Variants in OPCML observed in about 807,000 individuals in gnomAD.
OPCML encodes opioid-binding protein/cell adhesion molecule.
A neutral mutation model predicts 37.8 loss-of-function variants in OPCML; 13 were observed. The ratio of observed to expected loss-of-function variants is 0.34; its 90% CI spans 0.22 to 0.55. OPCML has a LOEUF of 0.55. OPCML is among the 20% of genes least tolerant of loss of function. The pLI, the probability that OPCML is intolerant of heterozygous loss-of-function variation, is 0.91. For missense variants in OPCML, 341 were observed against 435.6 expected (o/e 0.78, Z 1.93); for synonymous variants, 176 against 168.8 (o/e 1.04, Z -0.33).
intron 1 of OPCML, among the ~76,000 whole-genome samples, chr11:133,009,771 C>T (rs781177236): frequency 1.3e-3 from 204 of 152,200 alleles, no homozygotes; most frequent in South Asian, 2.1e-3. Context: ...CGCCTCTGAT[C>T]TGACAGGAGA....
At chr11:132,720,662 A>T (rs1161113498) in intron 2 of OPCML, among the ~76,000 whole-genome samples, 1 of 152,196 alleles carries the variant, frequency 6.6e-6, no homozygotes, top group Admixed American at 6.5e-5. Context: ...TTATGGAGAG[A>T]TGATTTCTAA....
At chr11:132,754,972 C>T (rs1945986461) in intron 2 of OPCML, among the ~76,000 whole-genome samples, 1 of 152,184 alleles carries the variant, frequency 6.6e-6, no homozygotes, top group African/African-American at 2.4e-5. Flanking sequence ...CAAGCCTTGA[C>T]AAGCTTTGTA....
chr11:133,508,270 C>T (rs906549106), intron 1 of OPCML, among the ~76,000 whole-genome samples: 6 of 152,082 alleles, frequency 3.9e-5, no homozygotes, highest in Non-Finnish European at 7.4e-5. Flanking sequence ...GGTTTGGGTA[C>T]AAATCAGAGG....
chr11:132,427,606 C>A (rs2095981937), intron 7 of OPCML, among the ~76,000 whole-genome samples: 1 of 152,206 alleles, frequency 6.6e-6, no homozygotes, highest in Non-Finnish European at 1.5e-5. Context: ...CTGTTTTGTG[C>A]TTACTACAAA....
At chr11:132,910,526 A>G (rs527704280) in intron 2 of OPCML, among the ~76,000 whole-genome samples, 3 of 152,332 alleles carry the variant, frequency 2.0e-5, no homozygotes, top group East Asian at 1.9e-4. Flanking sequence ...ACCGCATCCC[A>G]GGTGCGGTGG....
At chr11:133,253,457 G>A (rs1287017298) in intron 1 of OPCML, among the ~76,000 whole-genome samples, 2 of 152,150 alleles carry the variant, frequency 1.3e-5, no homozygotes, top group African/African-American at 2.4e-5. Flanking sequence ...TTACAGACAC[G>A]CACCACCATG....
intron 2 of OPCML, among the ~76,000 whole-genome samples, chr11:132,893,425 C>A (rs1943726605): frequency 6.6e-6 from 1 of 152,220 alleles, no homozygotes; most frequent in Admixed American, 6.5e-5. Flanking sequence ...ACTCAGCTAG[C>A]CCATCACCTG....
chr11:133,022,785 A>T (rs1947477934), intron 1 of OPCML, among the ~76,000 whole-genome samples: 1 of 152,194 alleles, frequency 6.6e-6, no homozygotes, highest in Non-Finnish European at 1.5e-5. Context: ...TAAGTGGCAA[A>T]GAGACCTAAC....
At chr11:132,804,004 C>G (rs1287069731) in intron 2 of OPCML, among the ~76,000 whole-genome samples, 2 of 152,188 alleles carry the variant, frequency 1.3e-5, no homozygotes, top group African/African-American at 4.8e-5. Context: ...ATAATTTTCA[C>G]TTTAAGCCAC....
intron 4 of OPCML, among the ~76,000 whole-genome samples, chr11:132,498,577 C>T (rs2096238501): frequency 1.3e-5 from 2 of 152,174 alleles, no homozygotes; most frequent in Non-Finnish European, 2.9e-5. Flanking sequence ...GATTACTTGG[C>T]TTTATTTATA....
At chr11:132,592,624 C>G (rs1306663125) in intron 3 of OPCML, among the ~76,000 whole-genome samples, 1 of 152,182 alleles carries the variant, frequency 6.6e-6, no homozygotes, top group Admixed American at 6.5e-5. Context: ...CAGTGCAGGA[C>G]CCTCCTTGAC....
intron 1 of OPCML, among the ~76,000 whole-genome samples, chr11:132,983,613 C>A (rs1401298743): frequency 2.0e-5 from 3 of 152,216 alleles, no homozygotes; most frequent in Non-Finnish European, 2.9e-5. Flanking sequence ...TCTATCACTT[C>A]ATCCCCAAAC....
At chr11:132,953,765 G>T (rs1044980065) in intron 1 of OPCML, among the ~76,000 whole-genome samples, 2 of 152,142 alleles carry the variant, frequency 1.3e-5, no homozygotes, top group African/African-American at 4.8e-5. Context: ...ATCTGGACCT[G>T]CCCCCTGAGA....
chr11:132,956,596 G>C (rs192763034), intron 1 of OPCML, among the ~76,000 whole-genome samples: 5 of 152,236 alleles, frequency 3.3e-5, no homozygotes, highest in Admixed American at 1.3e-4. Context: ...GGATTGGACA[G>C]TTTCTAAAAT....
chr11:133,322,180 A>G (rs940201522), intron 1 of OPCML, among the ~76,000 whole-genome samples: 1 of 152,168 alleles, frequency 6.6e-6, no homozygotes, highest in African/African-American at 2.4e-5. Context: ...TCAGCATTTG[A>G]ATCTACTTAT....
chr11:133,125,072 C>G (rs769687185), intron 1 of OPCML, among the ~76,000 whole-genome samples: 1 of 152,116 alleles, frequency 6.6e-6, no homozygotes, highest in Non-Finnish European at 1.5e-5. Flanking sequence ...TTTGGAATGG[C>G]GATTGTAATC....
At chr11:132,868,107 G>A (rs1190643748) in intron 2 of OPCML, among the ~76,000 whole-genome samples, 1 of 152,128 alleles carries the variant, frequency 6.6e-6, no homozygotes, top group Non-Finnish European at 1.5e-5. Context: ...TGCTACTTCT[G>A]TGGAAAGCGG....
intron 2 of OPCML, among the ~76,000 whole-genome samples, chr11:132,802,312 T>A (rs962247742): frequency 2.3e-4 from 35 of 152,112 alleles, no homozygotes; most frequent in Non-Finnish European, 4.9e-4. Context: ...CACAAGCATT[T>A]CCGTGGCTTC....
At chr11:132,948,971 A>G (rs894712299) in intron 1 of OPCML, among the ~76,000 whole-genome samples, 14 of 152,244 alleles carry the variant, frequency 9.2e-5, no homozygotes, top group Non-Finnish European at 1.6e-4. Flanking sequence ...AAGAGAGACC[A>G]CTGGCTAGCC....
Sources: gnomAD v4.1 joint callset for allele counts (sites outside exome capture counted in the v4.1 genomes callset) on GRCh38, gnomAD v4.1.1 for gene constraint, MANE v1.5 for transcripts, NCBI Gene and HGNC (gene_info 2026-07-23, HGNC 2026-07-21) for gene names.